Variants in KYAT1 observed in about 807,000 individuals in gnomAD.
The protein encoded by KYAT1 is kynurenine aminotransferase 1.
KYAT1 carries 47 observed loss-of-function variants against 52.4 expected under a neutral mutation model. That is an observed-to-expected ratio of 0.90 (90% CI 0.71 to 1.14). KYAT1 has a LOEUF of 1.14. KYAT1 is among the 50% of genes most tolerant of loss of function. The pLI, the probability that KYAT1 is intolerant of heterozygous loss-of-function variation, is 0.00. For missense variants in KYAT1, 480 were observed against 557.9 expected (o/e 0.86, Z 1.41); for synonymous variants, 212 against 209.6 (o/e 1.01, Z -0.10).
chr9:128,833,905 C>G, intron 11 of KYAT1, 79 bp from the exon 12 acceptor site: 1 of 1,139,810 alleles, frequency 8.8e-7, no homozygotes, highest in Non-Finnish European at 1.3e-6. Flanking sequence ...AGAGAGGTTC[C>G]CACGACCAGG....
At chr9:128,847,206 G>A (rs1208631934) in intron 1 of KYAT1, among the ~76,000 whole-genome samples, 1 of 152,210 alleles carries the variant, frequency 6.6e-6, no homozygotes, top group Non-Finnish European at 1.5e-5. Context: ...GGGCACAGGG[G>A]ATCATGGGAA....
intron 1 of KYAT1, among the ~76,000 whole-genome samples, chr9:128,872,953 G>A (rs1837449279): frequency 6.6e-6 from 1 of 151,340 alleles, no homozygotes; most frequent in African/African-American, 2.4e-5. Flanking sequence ...GCATGTGCCT[G>A]TAATCGCAGC....
At chr9:128,837,425 C>T (rs1040375424) in intron 6 of KYAT1, among the ~76,000 whole-genome samples, 23 of 152,206 alleles carry the variant, frequency 1.5e-4, no homozygotes, top group Non-Finnish European at 2.9e-4. Context: ...TGAGATACTT[C>T]GAGAGGCATA....
chr9:128,856,627 T>G, intron 1 of KYAT1, among the ~76,000 whole-genome samples: 1 of 152,242 alleles, frequency 6.6e-6, no homozygotes, highest in Non-Finnish European at 1.5e-5. Flanking sequence ...ATGTGTTGTC[T>G]GGAATCAAGG....
intron 11 of KYAT1, among the ~76,000 whole-genome samples, chr9:128,834,769 TTGCAG>T (rs2118890916): frequency 6.9e-6 from 1 of 145,000 alleles, no homozygotes; most frequent in East Asian, 2.0e-4. Flanking sequence ...GAGGTGGAGG[TTGCAG>T]TGTGCTGAGA....
At chr9:128,882,353 G>C (rs2130904972), upstream of KYAT1, 1 of 195,854 alleles carries the variant, frequency 5.1e-6, no homozygotes, top group Non-Finnish European at 1.0e-5. Flanking sequence ...CGGGGCATCT[G>C]GGGCTCTGTC....
intron 1 of KYAT1, among the ~76,000 whole-genome samples, chr9:128,846,367 T>C (rs1833092914): frequency 6.6e-6 from 1 of 152,104 alleles, no homozygotes; most frequent in Non-Finnish European, 1.5e-5. Flanking sequence ...GAGGCAGACA[T>C]TGCAGTGAGG....
At chr9:128,868,901 T>C (rs1023293478) in intron 1 of KYAT1, among the ~76,000 whole-genome samples, 1 of 151,916 alleles carries the variant, frequency 6.6e-6, no homozygotes, top group African/African-American at 2.4e-5. Flanking sequence ...AGACGGGGTT[T>C]CACCATGTTG....
rs77187480 is a variant in KYAT1, at chr9:128,880,077, G to T, written c.-7+1820C>A. 7.9e-3 allele frequency among the ~76,000 whole-genome samples: 1,197 copies of T among 152,286 alleles called. 21 individuals carry two copies. Among genetic ancestry groups the T allele is most frequent in the African/African-American group, 0.028 (1,154 of 41,564 alleles). ...CTTATCTGTAAAATGAGACTTATCT[G>T]CGTGTAAAATACAAAGTATAATACG... On this transcript the variant is annotated intron_variant, in intron 1 of 12. Coordinates refer to ENST00000302586, the MANE Select transcript of KYAT1 (RefSeq NM_004059.5).
intron 3 of KYAT1, among the ~76,000 whole-genome samples, chr9:128,840,824 G>T (rs980690565): frequency 1.3e-5 from 2 of 152,228 alleles, no homozygotes; most frequent in Middle Eastern, 3.4e-3. Flanking sequence ...CCAAGTAGCT[G>T]GGATTATAGG....
At position 128,835,091 on chromosome 9, in the gene KYAT1, C is replaced by T. The variant is rs986738006; in HGVS notation, c.1122+232G>A. ...GGCAGAGCTTGCAGTGAGCCAAGATCGCGCCACTGCACTCCAGCCTGGGCA... is the reference window on the plus strand; with the variant it reads ...GGCAGAGCTTGCAGTGAGCCAAGATTGCGCCACTGCACTCCAGCCTGGGCA... On this transcript the variant is annotated intron_variant, in intron 11 of 12. Coordinates refer to ENST00000302586, the MANE Select transcript of KYAT1 (RefSeq NM_004059.5). The T allele has an allele frequency of 1.1e-4, 57 of 518,222 alleles. 1 individual carries two copies. The highest frequency in any genetic ancestry group is 6.3e-4 in the East Asian group (18 of 28,532). The allele number at this position is 518,222 out of a possible 1,614,324, so 32.1% of individuals were successfully genotyped here.
In KYAT1 at chr9:128,837,917, C is replaced by T. The variant is rs1337286547; in HGVS notation, c.439-104G>A. On this transcript the variant is annotated intron_variant, in intron 5 of 12. Transcript: ENST00000302586. ...CTCTCCCCTGGGATCCCAACACACA[C>T]ACCTCCCCTCTGCCCTCCCAGCTTA... 3.4e-6 allele frequency: 5 copies of T among 1,483,726 alleles called. No homozygotes were observed. The South Asian group carries it at 5.7e-5, about 17-fold the overall frequency. The allele number at this position is 1,483,726 out of a possible 1,614,324, so 91.9% of individuals were successfully genotyped here. A position where few individuals can be genotyped will look rare whatever the true frequency, so the allele number is the denominator to read the frequency against.
At chr9:128,835,440 C>T in intron 10 of KYAT1, 38 bp from the exon 11 acceptor site, 1 of 1,613,758 alleles carries the variant, frequency 6.2e-7, no homozygotes, top group Non-Finnish European at 8.5e-7. Context: ...CCTGCAGCCT[C>T]CAGCCCCTGC....
At chr9:128,856,408 G>C (rs1315034404) in intron 1 of KYAT1, among the ~76,000 whole-genome samples, 2 of 152,190 alleles carry the variant, frequency 1.3e-5, no homozygotes, top group Non-Finnish European at 2.9e-5. Flanking sequence ...GCGAAAACAG[G>C]CCATAATGAC....
intron 1 of KYAT1, among the ~76,000 whole-genome samples, chr9:128,857,570 C>T (rs1306428939): frequency 2.0e-5 from 3 of 152,218 alleles, no homozygotes; most frequent in South Asian, 4.1e-4. Context: ...GGGACGGTGT[C>T]TCACGCCTGT....
intron 1 of KYAT1, among the ~76,000 whole-genome samples, chr9:128,864,115 C>T (rs1835844441): frequency 6.6e-6 from 1 of 152,070 alleles, no homozygotes; most frequent in Non-Finnish European, 1.5e-5. Flanking sequence ...GTAATCCCAG[C>T]ACTTTGGGAG....
chr9:128,863,070 G>A (rs1429073774), intron 1 of KYAT1, among the ~76,000 whole-genome samples: 3 of 151,726 alleles, frequency 2.0e-5, no homozygotes, highest in Non-Finnish European at 4.4e-5. Flanking sequence ...CTCATGATCC[G>A]CCCGCCTCGG....
intron 3 of KYAT1, among the ~76,000 whole-genome samples, chr9:128,840,213 G>A (rs1417706293): frequency 6.6e-6 from 1 of 152,166 alleles, no homozygotes; most frequent in Non-Finnish European, 1.5e-5. Context: ...AAGGTGGGAG[G>A]ATTGCTTGAG....
chr9:128,870,172 A>T (rs1837033692), intron 1 of KYAT1, among the ~76,000 whole-genome samples: 1 of 152,216 alleles, frequency 6.6e-6, no homozygotes, highest in Non-Finnish European at 1.5e-5. Flanking sequence ...ACACAGAAAC[A>T]TGTACACAAA....
Sources: allele counts gnomAD v4.1 joint callset (sites outside exome capture counted in the v4.1 genomes callset), GRCh38; gene constraint gnomAD v4.1.1; transcripts MANE v1.5; gene names NCBI Gene and HGNC (gene_info 2026-07-23, HGNC 2026-07-21).